ALG3: variants seen among roughly 807,000 people sequenced by gnomAD.
ALG3 encodes the protein dol-P-Man:Man(5)GlcNAc(2)-PP-Dol alpha-1,3-mannosyltransferase.
In ALG3, 39 loss-of-function variants were observed where a neutral mutation model predicts 50.5. The observed-to-expected ratio is 0.77, with a 90% CI of 0.60 to 1.01. The LOEUF is 1.01. Ranked by LOEUF, ALG3 falls within the 50% of genes least tolerant of loss-of-function variation. ALG3 has a pLI of 0.00. For synonymous variants in ALG3, 252 were observed against 237.2 expected (o/e 1.06, Z -0.58); for missense variants, 520 against 554.8 (o/e 0.94, Z 0.63).
At position 184,244,872 on chromosome 3, in the gene ALG3, G is replaced by A. The variant is rs563086598; in HGVS notation, c.606-151C>T. 5.2e-6 allele frequency: 6 copies of A among 1,158,192 alleles called. No individual in the cohort carries two copies. The African/African-American group carries it at 9.3e-5, about 18-fold the overall frequency. 71.7% of individuals were successfully genotyped at this position (1,158,192 alleles called of 1,614,324 possible). A position where few individuals can be genotyped will look rare whatever the true frequency, so the allele number is the denominator to read the frequency against. ...GATGGGACCTACACTCACAACTGTT[G>A]GAGGGAAGAGCCTGGAGTAGGCAGG... is the stretch of plus-strand genomic sequence containing the variant. On this transcript the variant is annotated intron_variant, in intron 4 of 8. Coordinates refer to ENST00000397676, the MANE Select transcript of ALG3 (RefSeq NM_005787.6).
In ALG3 at chr3:184,244,688, G is replaced by T. The variant is rs376274282; in HGVS notation, c.639C>A (p.Leu213=). ...GAAGAAACAGTAACCCAGGGGCGAA[G>T]AGCAGCACATTCATCTTCACAGAGA... The part of the protein sequence containing the change: ...LAVSVKMNVL[L]FAPGLLFLLL... Residue 213 remains leucine, a synonymous_variant, in exon 5 of 9, where the codon CTC becomes CTA. Coordinates refer to ENST00000397676, the MANE Select transcript of ALG3 (RefSeq NM_005787.6). The T allele has an allele frequency of 5.4e-5, 87 of 1,610,396 alleles. No individual in the cohort carries two copies. The highest frequency in any genetic ancestry group is 3.3e-4 in the Middle Eastern group (2 of 6,082).
intron 7 of ALG3, chr3:184,243,311 A>T: frequency 1.7e-6 from 1 of 583,208 alleles, no homozygotes; most frequent in Non-Finnish European, 3.0e-6. Context: ...TCAATATTAG[A>T]ACATATGTAA....
Position 184,245,313 on chromosome 3 carries a change from C to T in ALG3, c.490G>A (p.Val164Ile), listed in dbSNP as rs780452572. The change falls in exon 4 of 9, where the codon GTC becomes ATC. Residue 164 changes from valine (V) to isoleucine (I), a missense_variant. By Grantham distance (29) the Val-to-Ile change is conservative (BLOSUM62 3). This residue lies in a region of ALG3 where 290 missense variants were observed against 265.9 expected (regional missense o/e 1.09). Transcript: ENST00000397676. ...FFFMCCASYR[V>I]HSIFVLRLFN... ...AGCCGCAGCACAAAGATGGAGTGGA[C>T]ACGGTAAGAGGCGCAGCACATGAAG... 2 of 1,613,130 alleles carry T rather than the reference C, an allele frequency of 1.2e-6. No homozygotes were observed. The highest frequency in any genetic ancestry group is 1.7e-6 in the Non-Finnish European group (2 of 1,179,624).
At chr3:184,243,047 T>G in intron 7 of ALG3, 90 bp from the exon 8 acceptor site, 1 of 1,529,626 alleles carries the variant, frequency 6.5e-7, no homozygotes, top group Non-Finnish European at 8.9e-7. Flanking sequence ...CACATAGCCC[T>G]CTGGCTCTGC....
In ALG3 at chr3:184,243,927, G is replaced by T. The variant is rs747953768; in HGVS notation, c.796C>A (p.Arg266Ser). 1 of 1,613,922 alleles carries T rather than the reference G, an allele frequency of 6.2e-7. No homozygotes were observed. The highest frequency in any genetic ancestry group is 2.2e-5 in the East Asian group (1 of 44,890). Residue 266 changes from arginine (R) to serine (S), a missense_variant, in exon 6 of 9, where the codon CGC becomes AGC. By Grantham distance (110) the Arg-to-Ser change is moderately radical (BLOSUM62 -1). Coordinates refer to ENST00000397676, the MANE Select transcript of ALG3 (RefSeq NM_005787.6). Reference sequence around the variant, plus strand: ...ACTGTCCAGTGGAACAGAAACTGGCGGCCAAGGTCAAAGGAGCGGGACAGG... The same window carrying T: ...ACTGTCCAGTGGAACAGAAACTGGCTGCCAAGGTCAAAGGAGCGGGACAGG... The part of the protein sequence containing the change: ...GYLSRSFDLG[R>S]QFLFHWTVNW...
chr3:184,244,074 T>A (rs982648944), intron 5 of ALG3, 78 bp from the exon 6 acceptor site: 5 of 1,426,256 alleles, frequency 3.5e-6, no homozygotes, highest in Non-Finnish European at 4.8e-6. Flanking sequence ...CATTGAGGGG[T>A]GTGGGACGGG....
chr3:184,245,758 C>T lies in ALG3; in HGVS notation c.251G>A (p.Gly84Asp). The change falls in exon 2 of 9, where the codon GGT becomes GAT. Residue 84 changes from glycine (G) to aspartate (D), a missense_variant. By Grantham distance (94) the Gly-to-Asp change is moderately conservative (BLOSUM62 -1). Transcript: ENST00000397676. The stretch of plus-strand genomic sequence containing the variant: ...CTGCAGTTGGGTATAGTCATAGGTA[C>T]CATTGATGACGCCTTCTACCTCGGC... The part of the protein sequence containing the change: ...YMAEVEGVIN[G>D]TYDYTQLQGD... 1 of 1,613,930 alleles carries T rather than the reference C, an allele frequency of 6.2e-7. No individual in the cohort carries two copies. Among genetic ancestry groups the T allele is most frequent in the Non-Finnish European group, 8.5e-7 (1 of 1,179,858 alleles).
At chr3:184,246,395 T>TA (rs1719153233) in intron 1 of ALG3, among the ~76,000 whole-genome samples, 2 of 152,204 alleles carry the variant, frequency 1.3e-5, no homozygotes, top group Admixed American at 1.3e-4. Context: ...ACCCTTAAGA[T>TA]AAAGAAAACT....
chr3:184,248,531 C>T (rs1406648784), intron 1 of ALG3, among the ~76,000 whole-genome samples: 1 of 152,172 alleles, frequency 6.6e-6, no homozygotes, highest in Non-Finnish European at 1.5e-5. Flanking sequence ...GTGCAGAAGG[C>T]CAATCTCTAG....
At chr3:184,246,739 C>T (rs1331399567) in intron 1 of ALG3, among the ~76,000 whole-genome samples, 3 of 150,736 alleles carry the variant, frequency 2.0e-5, no homozygotes, top group Non-Finnish European at 4.4e-5. Flanking sequence ...TGCAGTGGTA[C>T]GATCTCAGCT....
Position 184,245,510 on chromosome 3 carries a change from A to T in ALG3, c.402T>A (p.Ala134=). 6.2e-7 allele frequency: 1 copy of T among 1,614,056 alleles called. No homozygotes were observed. Among genetic ancestry groups the T allele is most frequent in the Non-Finnish European group, 8.5e-7 (1 of 1,179,906 alleles). Reference sequence around the variant, plus strand: ...AGATCAAGAAGACAAGCAGCAAGGTAGCCAGGTAGAGCACAGCAAAGATGT... The same window carrying T: ...AGATCAAGAAGACAAGCAGCAAGGTTGCCAGGTAGAGCACAGCAAAGATGT... ...AQNIFAVLYL[A]TLLLVFLIYH... The change falls in exon 3 of 9, where the codon GCT becomes GCA. Residue 134 remains alanine, a synonymous_variant. Coordinates refer to ENST00000397676, the MANE Select transcript of ALG3 (RefSeq NM_005787.6).
chr3:184,249,173 T>G (rs2108445686), upstream of ALG3: 2 of 1,592,098 alleles, frequency 1.3e-6, no homozygotes, highest in African/African-American at 2.7e-5. Flanking sequence ...CAGCCCTGGG[T>G]ACACAGGCGC....
chr3:184,243,720 A>G lies in ALG3; in HGVS notation c.932+71T>C, dbSNP rs1382762263. On this transcript the variant is annotated intron_variant, in intron 6 of 8. Transcript: ENST00000397676. ...ATGAGCTTAACTGACACTTCCCCCA[A>G]GCAGCCCCTAAGGCTTAGGCCCTTC... The G allele has an allele frequency of 3.1e-6, 5 of 1,593,360 alleles. No individual in the cohort carries two copies. The East Asian group carries it at 9.0e-5, about 29-fold the overall frequency.
Position 184,242,506 on chromosome 3 carries a change from G to T in ALG3, c.*8C>A. On this transcript the variant is annotated 3_prime_UTR_variant, in exon 9 of 9. Transcript: ENST00000397676. Reference sequence around the variant, plus strand: ...GTAGACTCAGGTCCTGAGGGAAAGGGGTGGACTTCAGTGGGCTTTCTTGCT... The same window carrying T: ...GTAGACTCAGGTCCTGAGGGAAAGGTGTGGACTTCAGTGGGCTTTCTTGCT... 2 of 1,612,548 alleles carry T rather than the reference G, an allele frequency of 1.2e-6. No homozygotes were observed. Among genetic ancestry groups the T allele is most frequent in the Non-Finnish European group, 1.7e-6 (2 of 1,179,362 alleles).
Position 184,245,524 on chromosome 3 carries a change from CA to C in ALG3, c.387del (p.Val130CysfsTer12). The part of the protein sequence containing the change: ...TDIRMAQNIF[A>X]VLYLATLLLV... ...AGCAGCAAGGTAGCCAGGTAGAGCA[CA>C]GCAAAGATGTTCTGGGCCATGCGGA... On this transcript the variant is annotated frameshift_variant, in exon 3 of 9. Transcript: ENST00000397676. LOFTEE classifies it high-confidence loss of function. 6.8e-6 allele frequency: 11 copies of C among 1,613,984 alleles called. No homozygotes were observed. The highest frequency in any genetic ancestry group is 9.3e-6 in the Non-Finnish European group (11 of 1,179,888).
intron 5 of ALG3, among the ~76,000 whole-genome samples, 158 bp from the exon 6 acceptor site, chr3:184,244,154 C>G (rs1039286598): frequency 3.9e-5 from 6 of 152,224 alleles, no homozygotes; most frequent in Non-Finnish European, 8.8e-5. Flanking sequence ...CACCCCCCGG[C>G]CCAGGCCAGT....
In ALG3 at chr3:184,242,684, T is replaced by C; in HGVS notation, c.1155-8A>G. On this transcript the variant is annotated splice_region_variant and splice_polypyrimidine_tract_variant and intron_variant, in intron 8 of 8. Coordinates refer to ENST00000397676, the MANE Select transcript of ALG3 (RefSeq NM_005787.6). ...AGCCCCAGCACCAACAACCTGGAGA[T>C]GAGAAACAGGTTCCACGTTTCATCC... 2 of 1,561,170 alleles carry C rather than the reference T, an allele frequency of 1.3e-6. No individual in the cohort carries two copies. Among genetic ancestry groups the C allele is most frequent in the South Asian group, 2.4e-5 (2 of 81,670 alleles).
chr3:184,242,999 G>C, intron 7 of ALG3, 42 bp from the exon 8 acceptor site: 2 of 1,608,006 alleles, frequency 1.2e-6, no homozygotes, highest in Middle Eastern at 4.1e-4. Context: ...GTGTGTGGGG[G>C]GGACTATCCC....
intron 1 of ALG3, among the ~76,000 whole-genome samples, 183 bp from the exon 2 acceptor site, chr3:184,245,995 A>C (rs191361696): frequency 1.8e-4 from 28 of 152,256 alleles, no homozygotes; most frequent in Admixed American, 9.2e-4. Flanking sequence ...CAACATTTCT[A>C]TAAGTGAATT....
Sources: allele counts gnomAD v4.1 joint callset (sites outside exome capture counted in the v4.1 genomes callset), GRCh38; gene constraint gnomAD v4.1.1; regional missense constraint gnomAD v4.1.1; transcripts MANE v1.5; gene names NCBI Gene and HGNC (gene_info 2026-07-23, HGNC 2026-07-21).